The following RALYL variants were observed in gnomAD, a reference collection of about 807,000 sequenced individuals.
RALYL encodes the protein RNA-binding Raly-like protein.
RALYL carries 29 observed loss-of-function variants against 35.1 expected under a neutral mutation model. The observed-to-expected ratio is 0.83, with a 90% CI of 0.61 to 1.13. RALYL has a LOEUF of 1.13. RALYL is among the 50% of genes most tolerant of loss of function. The pLI is 0.00. For synonymous variants in RALYL, 120 were observed against 127.6 expected (o/e 0.94, Z 0.40); for missense variants, 359 against 360.4 (o/e 1.00, Z 0.03).
chr8:84,902,261 A>G lies in RALYL; in HGVS notation c.858+14485A>G, dbSNP rs1288196702. Reference sequence around the variant, plus strand: ...GATGCAGCAGGAGTAGGCAGGTCACATGACCAGAGCAGGAGCAAGAGAGAA... The same window carrying G: ...GATGCAGCAGGAGTAGGCAGGTCACGTGACCAGAGCAGGAGCAAGAGAGAA... On this transcript the variant is annotated intron_variant, in intron 8 of 8. Transcript: ENST00000521268. 2.6e-5 allele frequency among the ~76,000 whole-genome samples: 4 copies of G among 152,146 alleles called. No homozygotes were observed. In the East Asian group the frequency reaches 7.7e-4, roughly 29 times the overall value.
intron 1 of RALYL, among the ~76,000 whole-genome samples, chr8:84,478,541 T>C (rs949009690): frequency 5.9e-5 from 9 of 152,160 alleles, no homozygotes; most frequent in African/African-American, 2.2e-4. Context: ...TATCAGATCA[T>C]ATATTTCAGC....
At chr8:84,793,831 G>A (rs1821336881) in intron 3 of RALYL, among the ~76,000 whole-genome samples, 1 of 152,180 alleles carries the variant, frequency 6.6e-6, no homozygotes, top group Non-Finnish European at 1.5e-5. Context: ...GAGAGGGGCT[G>A]TGGTTACCAA....
At chr8:84,655,214 A>G (rs1829726653) in intron 2 of RALYL, among the ~76,000 whole-genome samples, 1 of 151,728 alleles carries the variant, frequency 6.6e-6, no homozygotes, top group Non-Finnish European at 1.5e-5. Flanking sequence ...ACATTTTCAT[A>G]TGCTGTTTCC....
Position 84,285,400 on chromosome 8 carries a change from T to G in RALYL, c.-24+100976T>G, listed in dbSNP as rs573821837. 2.0e-5 allele frequency among the ~76,000 whole-genome samples: 3 copies of G among 152,288 alleles called. No homozygotes were observed. The South Asian group carries it at 6.2e-4, about 32-fold the overall frequency. On this transcript the variant is annotated intron_variant, in intron 1 of 8. Coordinates refer to ENST00000521268, the MANE Select transcript of RALYL (RefSeq NM_173848.7). ...ATAGAGGGCTAATTATTAGTGATAA[T>G]TGTTAGTAAGATATGCACATCTTCC...
chr8:84,321,603 C>G (rs1450348946), intron 1 of RALYL, among the ~76,000 whole-genome samples: 4 of 152,008 alleles, frequency 2.6e-5, no homozygotes, highest in Non-Finnish European at 5.9e-5. Flanking sequence ...GGGGATTTCC[C>G]CCACGACAGC....
At chr8:84,541,152 A>T (rs1298647091) in intron 2 of RALYL, among the ~76,000 whole-genome samples, 1 of 150,966 alleles carries the variant, frequency 6.6e-6, no homozygotes, top group Non-Finnish European at 1.5e-5. Context: ...TTGTGGGTTT[A>T]ATTTGCCACT....
chr8:84,494,280 A>C (rs2055723443), intron 1 of RALYL, among the ~76,000 whole-genome samples: 2 of 152,138 alleles, frequency 1.3e-5, no homozygotes, highest in South Asian at 4.1e-4. Flanking sequence ...TTTTTGTACC[A>C]GCACTATGCT....
rs551720350 is a variant in RALYL, at chr8:84,382,440, G to A, written c.-23-146859G>A. 1.3e-4 allele frequency among the ~76,000 whole-genome samples: 19 copies of A among 151,472 alleles called. No homozygotes were observed. The East Asian group carries it at 3.7e-3, about 30-fold the overall frequency. ...TAAGCAGATTGTTCTGTGATGACTT[G>A]GATTATCAAACATTTGCAAGTTAAA... On this transcript the variant is annotated intron_variant, in intron 1 of 8. Coordinates refer to ENST00000521268, the MANE Select transcript of RALYL (RefSeq NM_173848.7).
At chr8:84,187,010 A>G (rs1812697079) in intron 1 of RALYL, among the ~76,000 whole-genome samples, 1 of 152,102 alleles carries the variant, frequency 6.6e-6, no homozygotes, top group Admixed American at 6.6e-5. Flanking sequence ...TTAATTGTGC[A>G]GATCTTTTCA....
At chr8:84,404,404 G>C (rs754401002) in intron 1 of RALYL, among the ~76,000 whole-genome samples, 2 of 152,006 alleles carry the variant, frequency 1.3e-5, no homozygotes, top group Non-Finnish European at 2.9e-5. Flanking sequence ...TTTGTTGAAG[G>C]CCTTTTCTGC....
At chr8:84,440,852 C>T (rs1587289635) in intron 1 of RALYL, among the ~76,000 whole-genome samples, 1 of 151,880 alleles carries the variant, frequency 6.6e-6, no homozygotes, top group South Asian at 2.1e-4. Flanking sequence ...TTTAGGTGAA[C>T]ATAAGTTTTC....
chr8:84,453,109 G>C (rs1189400340), intron 1 of RALYL, among the ~76,000 whole-genome samples: 1 of 151,892 alleles, frequency 6.6e-6, no homozygotes, highest in African/African-American at 2.4e-5. Flanking sequence ...GTGATATTAT[G>C]TTATTTCGTT....
chr8:84,496,830 C>T (rs2056089119), intron 1 of RALYL, among the ~76,000 whole-genome samples: 1 of 152,052 alleles, frequency 6.6e-6, no homozygotes, highest in Non-Finnish European at 1.5e-5. Flanking sequence ...TCAACCTTAT[C>T]CCATTTTTAA....
rs375452098 is a variant in RALYL at position 84,227,153 on chromosome 8, C to T, written c.-24+42729C>T. On this transcript the variant is annotated intron_variant, in intron 1 of 8. Transcript: ENST00000521268. ...TCATCTCACTGAAACCTCCATCTCC[C>T]GGGTTCAAACGATTTTCCTGCCTCA... 3.5e-5 allele frequency among the ~76,000 whole-genome samples: 5 copies of T among 144,402 alleles called. No homozygotes were observed. In the South Asian group the frequency reaches 6.6e-4, roughly 19 times the overall value. 94.7% of individuals were successfully genotyped at this position (144,402 alleles called of 152,430 possible).
chr8:84,611,419 A>G (rs940061829), intron 2 of RALYL, among the ~76,000 whole-genome samples: 1 of 152,128 alleles, frequency 6.6e-6, no homozygotes, highest in African/African-American at 2.4e-5. Flanking sequence ...TAAAACCAAG[A>G]AAGTCCTGGG....
chr8:84,223,068 C>G (rs967546098), intron 1 of RALYL, among the ~76,000 whole-genome samples: 1 of 151,574 alleles, frequency 6.6e-6, no homozygotes, highest in African/African-American at 2.4e-5. Flanking sequence ...CCCTTTCTCT[C>G]TCCCTTTGCC....
intron 2 of RALYL, among the ~76,000 whole-genome samples, chr8:84,682,254 G>C (rs1406589544): frequency 2.0e-5 from 3 of 152,112 alleles, no homozygotes; most frequent in Non-Finnish European, 4.4e-5. Flanking sequence ...TTATTGTATT[G>C]AGGATTTTTG....
intron 3 of RALYL, among the ~76,000 whole-genome samples, chr8:84,782,341 G>A (rs2133730352): frequency 6.6e-6 from 1 of 152,306 alleles, no homozygotes; most frequent in Non-Finnish European, 1.5e-5. Flanking sequence ...GACAATGCTT[G>A]AATGTCTAGA....
intron 2 of RALYL, among the ~76,000 whole-genome samples, chr8:84,652,724 G>C (rs1829101832): frequency 6.6e-6 from 1 of 151,970 alleles, no homozygotes; most frequent in African/African-American, 2.4e-5. Context: ...TCAATTCTTG[G>C]TCTGCTTACC....
Sources: allele counts gnomAD v4.1 joint callset (sites outside exome capture counted in the v4.1 genomes callset), GRCh38; gene constraint gnomAD v4.1.1; transcripts MANE v1.5; gene names NCBI Gene and HGNC (gene_info 2026-07-23, HGNC 2026-07-21).